Variants in CFAP44 observed in about 807,000 individuals in gnomAD.
CFAP44 encodes the protein cilia- and flagella-associated protein 44.
A neutral mutation model predicts 216.2 loss-of-function variants in CFAP44; 134 were observed. The observed-to-expected ratio is 0.62, with a 90% CI of 0.54 to 0.72. The LOEUF (loss-of-function observed/expected upper bound fraction) is 0.72, where lower values mean the gene tolerates loss of function less well. Ranked by LOEUF, CFAP44 falls within the 30% of genes least tolerant of loss-of-function variation. The probability of loss-of-function intolerance (pLI) is 0.00; values close to 1 mark genes in which losing one functional copy is unlikely to be tolerated. For missense variants in CFAP44, 2,035 were observed against 2,182.1 expected, an observed-to-expected ratio of 0.93 and a Z score of 1.34; for synonymous variants, 700 against 727.6, an observed-to-expected ratio of 0.96 and a Z score of 0.61.
rs751778587 is a variant in CFAP44 at position 113,416,575 on chromosome 3, T to C, written c.623A>G (p.Asp208Gly). 2.0e-5 allele frequency: 32 copies of C among 1,612,670 alleles called. No individual in the cohort carries two copies. The highest frequency in any genetic ancestry group is 2.6e-5 in the Non-Finnish European group (31 of 1,179,190). The change falls in exon 6 of 35, where the codon GAT becomes GGT. Residue 208 changes from aspartate (D) to glycine (G), a missense_variant. By Grantham distance (94) the Asp-to-Gly change is moderately conservative. Transcript: ENST00000393845. ...FTVAEKGSFPDIIIYEYPSLR... is the reference protein window; with the variant it reads ...FTVAEKGSFPGIIIYEYPSLR... ...AGAAGGATATTCATAGATGATAATA[T>C]CTGGAAAACTCCCTTTTTCAGCTAC...
intron 15 of CFAP44, among the ~76,000 whole-genome samples, chr3:113,394,954 G>T (rs1331641786): frequency 6.6e-6 from 1 of 152,156 alleles, no homozygotes; most frequent in Non-Finnish European, 1.5e-5. Context: ...AGACTACTTT[G>T]TACTGCTTAT....
chr3:113,367,800 G>A (rs866215026), intron 18 of CFAP44, among the ~76,000 whole-genome samples: 1 of 152,092 alleles, frequency 6.6e-6, no homozygotes, highest in African/African-American at 2.4e-5. Flanking sequence ...CGAGCTAAAG[G>A]AGCATGTTCT....
chr3:113,308,896 G>A (rs528668861), intron 28 of CFAP44, among the ~76,000 whole-genome samples: 2 of 152,310 alleles, frequency 1.3e-5, no homozygotes, highest in Admixed American at 6.5e-5. Flanking sequence ...TTGAGCCACT[G>A]TGCCTGGCCC....
At chr3:113,425,952 G>A in intron 4 of CFAP44, 172 bp downstream of exon 4, 1 of 721,364 alleles carries the variant, frequency 1.4e-6, no homozygotes. Context: ...GTTGTGTGAT[G>A]GCAGCCATAA....
Position 113,420,194 on chromosome 3 carries a change from C to A in CFAP44, c.408-15G>T. 1 of 1,600,368 alleles carries A rather than the reference C, an allele frequency of 6.2e-7. No individual in the cohort carries two copies. The highest frequency in any genetic ancestry group is 2.2e-5 in the East Asian group (1 of 44,554). On this transcript the variant is annotated splice_polypyrimidine_tract_variant and intron_variant, in intron 4 of 34. Transcript: ENST00000393845. ...CAAAAGAATGTCTGAGGGAAAGTTGCTAAGGAAAAGAAGTGAAAAACACTA... is the reference window on the plus strand; with the variant it reads ...CAAAAGAATGTCTGAGGGAAAGTTGATAAGGAAAAGAAGTGAAAAACACTA...
rs1308476703 is a variant in CFAP44 at position 113,355,522 on chromosome 3, G to C, written c.3065+3223C>G. On this transcript the variant is annotated intron_variant, in intron 22 of 34. Coordinates refer to ENST00000393845, the MANE Select transcript of CFAP44 (RefSeq NM_001164496.2). ...GCGACAGAGTGAGACTCCATCCATGGAATACTATGCAGCCATAAAAAAGGA... is the reference window on the plus strand; with the variant it reads ...GCGACAGAGTGAGACTCCATCCATGCAATACTATGCAGCCATAAAAAAGGA... Among the ~76,000 whole-genome samples the C allele has an allele frequency of 2.0e-5, 3 of 152,072 alleles. No homozygotes were observed. In the East Asian group the frequency reaches 5.8e-4, roughly 29 times the overall value.
intron 28 of CFAP44, among the ~76,000 whole-genome samples, chr3:113,318,046 G>GTT (rs1287110967): frequency 1.4e-5 from 2 of 147,202 alleles, no homozygotes; most frequent in African/African-American, 5.0e-5. Context: ...GCCACTACTG[G>GTT]TTTTTTTTTT....
At chr3:113,417,437 CA>C (rs1559942858) in intron 5 of CFAP44, 1 of 151,792 alleles carries the variant, frequency 6.6e-6, no homozygotes, top group African/African-American at 2.4e-5. Flanking sequence ...ATTGGTAAGC[CA>C]AATGTGTAGG....
chr3:113,378,652 C>CAGT (rs1933418186), intron 17 of CFAP44, among the ~76,000 whole-genome samples: 1 of 152,034 alleles, frequency 6.6e-6, no homozygotes, highest in African/African-American at 2.4e-5. Context: ...TCTTGCTTTG[C>CAGT]AGTAGATCAA....
At chr3:113,411,774 G>A (rs1366678684) in intron 6 of CFAP44, among the ~76,000 whole-genome samples, 5 of 152,188 alleles carry the variant, frequency 3.3e-5, no homozygotes, top group Non-Finnish European at 7.3e-5. Context: ...CTATCCATGA[G>A]CATGGAATGT....
chr3:113,294,770 T>A lies in CFAP44; in HGVS notation c.5290A>T (p.Thr1764Ser). 1 of 1,536,258 alleles carries A rather than the reference T, an allele frequency of 6.5e-7. No homozygotes were observed. The highest frequency in any genetic ancestry group is 8.7e-7 in the Non-Finnish European group (1 of 1,146,506). Residue 1764 changes from threonine (T) to serine (S), a missense_variant, in exon 34 of 35, where the codon ACC (threonine) becomes TCC (serine). Around this residue, in one of 3 missense-constraint regions of CFAP44, gnomAD observed 1,883 missense variants for 2,023.7 expected, o/e 0.93. Transcript: ENST00000393845. Reference sequence around the variant, plus strand: ...TCATTCATCTGATAAAGCTTTCTGGTGTGTTCTTTTGTCTTCATCATCAGT... The same window carrying A: ...TCATTCATCTGATAAAGCTTTCTGGAGTGTTCTTTTGTCTTCATCATCAGT... ...WELMMKTKEH[T>S]RKLYQMNDLC...
At chr3:113,295,708 G>C (rs192710743) in intron 33 of CFAP44, among the ~76,000 whole-genome samples, 21 of 152,320 alleles carry the variant, frequency 1.4e-4, no homozygotes, top group Admixed American at 1.2e-3. Flanking sequence ...CTCATCTCAT[G>C]GCTCAGGGAA....
chr3:113,362,418 C>A (rs1444808285), intron 21 of CFAP44, among the ~76,000 whole-genome samples: 4 of 152,056 alleles, frequency 2.6e-5, no homozygotes, highest in Admixed American at 6.5e-5. Context: ...GAGGAAGGGG[C>A]CACCACCAAT....
intron 9 of CFAP44, 49 bp downstream of exon 9, chr3:113,403,803 T>C: frequency 6.4e-7 from 1 of 1,572,410 alleles, no homozygotes; most frequent in Non-Finnish European, 8.7e-7. Context: ...TTGGGTGAGC[T>C]ACAAGTCTTA....
chr3:113,359,876 G>GC (rs1950521572), intron 21 of CFAP44, among the ~76,000 whole-genome samples: 1 of 152,040 alleles, frequency 6.6e-6, no homozygotes, highest in Admixed American at 6.6e-5. Context: ...TTTTGTGATT[G>GC]CCCCCATAGC....
intron 18 of CFAP44, among the ~76,000 whole-genome samples, chr3:113,370,173 C>T (rs1933103997): frequency 6.6e-6 from 1 of 152,184 alleles, no homozygotes; most frequent in Non-Finnish European, 1.5e-5. Flanking sequence ...CAGTACCACT[C>T]CTTCTGAAAC....
chr3:113,365,017 G>A (rs1431109028), intron 19 of CFAP44, among the ~76,000 whole-genome samples: 3 of 151,978 alleles, frequency 2.0e-5, no homozygotes, highest in Non-Finnish European at 4.4e-5. Context: ...ATTTAAATGT[G>A]GAATAAATAT....
At chr3:113,325,921 T>G (rs1950185498) in intron 28 of CFAP44, among the ~76,000 whole-genome samples, 1 of 152,170 alleles carries the variant, frequency 6.6e-6, no homozygotes, top group South Asian at 2.1e-4. Flanking sequence ...CAAATGATCT[T>G]GACAAAGATC....
At chr3:113,437,427 T>A (rs1288161693) in intron 1 of CFAP44, among the ~76,000 whole-genome samples, 1 of 152,214 alleles carries the variant, frequency 6.6e-6, no homozygotes, top group African/African-American at 2.4e-5. Flanking sequence ...AAACAAGAGT[T>A]GAACCACAAC....
Sources: allele counts gnomAD v4.1 joint callset (sites outside exome capture counted in the v4.1 genomes callset), GRCh38; gene constraint gnomAD v4.1.1; regional missense constraint gnomAD v4.1.1; transcripts MANE v1.5; gene names NCBI Gene and HGNC (gene_info 2026-07-23, HGNC 2026-07-21).